The following KANSL1 variants were observed in gnomAD, a reference collection of about 807,000 sequenced individuals.
KANSL1 encodes KAT8 regulatory NSL complex subunit 1.
In KANSL1, 22 loss-of-function variants were observed where a neutral mutation model predicts 103.6. The ratio of observed to expected loss-of-function variants is 0.21; its 90% CI spans 0.15 to 0.30. The LOEUF (loss-of-function observed/expected upper bound fraction) is 0.30. Ranked by LOEUF, KANSL1 falls within the 10% of genes least tolerant of loss-of-function variation. The pLI is 1.00. For missense variants in KANSL1, 1,337 were observed against 1,399.8 expected, an observed-to-expected ratio of 0.96 and a Z score of 0.72; for synonymous variants, 600 against 527.6, an observed-to-expected ratio of 1.14 and a Z score of -1.88.
chr17:46,185,678 TACACACACATATATACACACACACACAC>T, intron 1 of KANSL1, among the ~76,000 whole-genome samples: 1 of 137,844 alleles, frequency 7.3e-6, no homozygotes, highest in South Asian at 2.2e-4. Flanking sequence ...CACATATATA[TACACACACATATATACACACACACACAC>T]ACACACACAC....
chr17:46,040,853 T>C (rs1315623573), intron 7 of KANSL1: 1 of 152,266 alleles, frequency 6.6e-6, no homozygotes, highest in Non-Finnish European at 1.5e-5. Context: ...TTAGTTATTG[T>C]TGACATACCG....
At chr17:46,134,766 A>G (rs1384631357) in intron 2 of KANSL1, among the ~76,000 whole-genome samples, 1 of 152,030 alleles carries the variant, frequency 6.6e-6, no homozygotes, top group Non-Finnish European at 1.5e-5. Context: ...AATCACTTCA[A>G]TCTGGAAGGC....
intron 6 of KANSL1, among the ~76,000 whole-genome samples, chr17:46,053,576 C>A (rs945113648): frequency 1.3e-5 from 2 of 151,890 alleles, no homozygotes; most frequent in African/African-American, 4.8e-5. Context: ...GGACTACAGG[C>A]GCCCACCACC....
chr17:46,195,721 AT>A (rs953521634), upstream of KANSL1, among the ~76,000 whole-genome samples: 4 of 151,910 alleles, frequency 2.6e-5, no homozygotes, highest in African/African-American at 9.7e-5. Flanking sequence ...CCCAGCTGTT[AT>A]TTTTTTCACT....
chr17:46,170,785 A>G, intron 2 of KANSL1, 70 bp downstream of exon 2: 1 of 1,446,260 alleles, frequency 6.9e-7, no homozygotes, highest in Non-Finnish European at 9.3e-7. Flanking sequence ...TCTCTCCATA[A>G]TGGCGATTCA....
intron 2 of KANSL1, among the ~76,000 whole-genome samples, chr17:46,098,345 C>G (rs2042168714): frequency 6.6e-6 from 1 of 152,220 alleles, no homozygotes; most frequent in South Asian, 2.1e-4. Flanking sequence ...GCAACCCCAA[C>G]AGCCTCCTTA....
intron 4 of KANSL1, among the ~76,000 whole-genome samples, chr17:46,078,820 T>A (rs988425091): frequency 6.6e-6 from 1 of 152,196 alleles, no homozygotes; most frequent in African/African-American, 2.4e-5. Flanking sequence ...TTCAATACAC[T>A]AGAGAACAAC....
chr17:46,050,649 A>G lies in KANSL1; in HGVS notation c.1904T>C (p.Leu635Pro), dbSNP rs1329605922. ...GGTGTTGATGCTGCCTGAACCACAC[A>G]GTGCGCAGGAGGGATTCACATCACA... ...PGCDVNPSCA[L>P]CGSGSINTMP... The change falls in exon 7 of 15, where the codon CTG (leucine) becomes CCG (proline). Residue 635 changes from leucine (L) to proline (P), a missense_variant. Physicochemically the swap from Leu to Pro is moderately conservative, Grantham distance 98. Around this residue, in one of 2 missense-constraint regions of KANSL1, gnomAD observed 780 missense variants for 923.4 expected, o/e 0.84. Coordinates refer to ENST00000432791, the MANE Select transcript of KANSL1 (RefSeq NM_015443.4). 20 of 1,614,196 alleles carry G rather than the reference A, an allele frequency of 1.2e-5. No individual in the cohort carries two copies. The highest frequency in any genetic ancestry group is 1.6e-5 in the Non-Finnish European group (19 of 1,180,022).
At chr17:46,181,652 G>A (rs1465672180) in intron 1 of KANSL1, among the ~76,000 whole-genome samples, 1 of 152,106 alleles carries the variant, frequency 6.6e-6, no homozygotes, top group African/African-American at 2.4e-5. Flanking sequence ...GGCTGGTTTC[G>A]AACTCCTGAC....
intron 1 of KANSL1, among the ~76,000 whole-genome samples, chr17:46,189,212 C>T (rs2047190027): frequency 6.6e-6 from 1 of 152,016 alleles, no homozygotes; most frequent in African/African-American, 2.4e-5. Flanking sequence ...CACAGCGAGA[C>T]CCCGAGACCT....
chr17:46,042,439 T>G (rs2077358622), intron 7 of KANSL1: 1 of 152,192 alleles, frequency 6.6e-6, no homozygotes, highest in Non-Finnish European at 1.5e-5. Flanking sequence ...AGGGAACAGG[T>G]GCAGAAAGGT....
intron 2 of KANSL1, among the ~76,000 whole-genome samples, chr17:46,108,787 C>T (rs1017730746): frequency 1.3e-5 from 2 of 152,294 alleles, no homozygotes; most frequent in Admixed American, 6.5e-5. Context: ...CTGGTGCCAA[C>T]AGACCTCATA....
chr17:46,032,321 T>C (rs774866655), intron 13 of KANSL1, 22 bp from the exon 14 acceptor site: 17 of 1,491,756 alleles, frequency 1.1e-5, no homozygotes, highest in Non-Finnish European at 1.5e-5. Context: ...GGAATGCAAA[T>C]CTGAGTGCCT....
At position 46,175,360 on chromosome 17, in the gene KANSL1, G is replaced by GTGTT. The variant is rs1555577812; in HGVS notation, c.-89-3132_-89-3129dup. Among the ~76,000 whole-genome samples, 3 of 136,736 alleles carry GTGTT rather than the reference G, an allele frequency of 2.2e-5. No homozygotes were observed. The East Asian group carries it at 7.6e-4, about 35-fold the overall frequency. 89.7% of individuals were successfully genotyped at this position (136,736 alleles called of 152,430 possible). ...TGTGTGTGTGTGTGTGTGTGTGTGT[G>GTGTT]TGTTTCTGAGATGTAGTCTCGCTCT... On this transcript the variant is annotated intron_variant, in intron 1 of 14. Coordinates refer to ENST00000432791, the MANE Select transcript of KANSL1 (RefSeq NM_015443.4).
At chr17:46,058,442 C>T (rs1314381113) in intron 6 of KANSL1, among the ~76,000 whole-genome samples, 2 of 152,298 alleles carry the variant, frequency 1.3e-5, no homozygotes, top group East Asian at 3.9e-4. Flanking sequence ...GCCAGCAAAA[C>T]AAAGCCTCTT....
chr17:46,166,942 A>G (rs1201866605), intron 2 of KANSL1, among the ~76,000 whole-genome samples: 3 of 152,250 alleles, frequency 2.0e-5, no homozygotes, highest in Non-Finnish European at 2.9e-5. Flanking sequence ...AGTAATCACA[A>G]TGAAATGTTT....
chr17:46,056,602 T>C (rs187227098), intron 6 of KANSL1, among the ~76,000 whole-genome samples: 1 of 113,086 alleles, frequency 8.8e-6, no homozygotes, highest in East Asian at 1.9e-4. Context: ...ACATTTACCA[T>C]CAAACTTGAT....
intron 1 of KANSL1, among the ~76,000 whole-genome samples, chr17:46,184,664 C>T (rs2046935508): frequency 6.6e-6 from 1 of 152,140 alleles, no homozygotes; most frequent in Admixed American, 6.5e-5. Context: ...GCTACTCTTT[C>T]ACGGTTCAGC....
chr17:46,100,058 C>G (rs1227396280), intron 2 of KANSL1, among the ~76,000 whole-genome samples: 1 of 152,122 alleles, frequency 6.6e-6, no homozygotes, highest in Admixed American at 6.5e-5. Flanking sequence ...TGAACTTGTA[C>G]TTTAATCGTT....
Sources: gnomAD v4.1 joint callset for allele counts (sites outside exome capture counted in the v4.1 genomes callset) on GRCh38, gnomAD v4.1.1 for gene constraint, gnomAD v4.1.1 regional missense constraint, MANE v1.5 for transcripts, NCBI Gene and HGNC (gene_info 2026-07-23, HGNC 2026-07-21) for gene names.